CRYBA4: variants seen among roughly 807,000 people sequenced by gnomAD.
CRYBA4 encodes crystallin beta A4.
Under a neutral mutation model 31.7 loss-of-function variants are expected in CRYBA4, and 30 were observed. The ratio of observed to expected loss-of-function variants is 0.95; its 90% CI spans 0.71 to 1.28. The LOEUF (loss-of-function observed/expected upper bound fraction) is 1.28, where lower values mean the gene tolerates loss of function less well. CRYBA4 is among the 50% of genes most tolerant of loss of function. CRYBA4 has a pLI of 0.00. For missense variants in CRYBA4, 225 were observed against 260.7 expected (o/e 0.86, Z 0.94); for synonymous variants, 102 against 102.3 (o/e 1.00, Z 0.02).
chr22:26,616,068 G>A, the CRYBA4 span: 2 of 1,177,628 alleles, frequency 1.7e-6, no homozygotes, highest in African/African-American at 1.5e-5. Flanking sequence ...AAGAGGAGGA[G>A]GAGAAGAAGG....
At chr22:26,592,148 T>C in the CRYBA4 span, among the ~76,000 whole-genome samples, 1 of 152,164 alleles carries the variant, frequency 6.6e-6, no homozygotes, top group Admixed American at 6.5e-5. Flanking sequence ...TGTTAGAGAC[T>C]TCATATGACT....
At chr22:26,608,350 C>G in the CRYBA4 span, among the ~76,000 whole-genome samples, 2 of 152,224 alleles carry the variant, frequency 1.3e-5, no homozygotes, top group Non-Finnish European at 2.9e-5. Context: ...ATACATGCTT[C>G]AAGTACTATC....
chr22:26,591,216 C>T, the CRYBA4 span, among the ~76,000 whole-genome samples: 28 of 151,846 alleles, frequency 1.8e-4, no homozygotes, highest in African/African-American at 2.7e-4. Context: ...AATAAAAATA[C>T]GAAAATGACT....
the CRYBA4 span, among the ~76,000 whole-genome samples, chr22:26,594,413 A>G: frequency 6.6e-6 from 1 of 152,168 alleles, no homozygotes; most frequent in Non-Finnish European, 1.5e-5. Context: ...TTATGCTCCA[A>G]TGTCTAAAAG....
At chr22:26,616,602 G>A in the CRYBA4 span, among the ~76,000 whole-genome samples, 1 of 152,046 alleles carries the variant, frequency 6.6e-6, no homozygotes, top group South Asian at 2.1e-4. Flanking sequence ...CCATTACCCC[G>A]CTAGGTCCTT....
At chr22:26,624,873 CT>C (rs1235294352) in intron 3 of CRYBA4, among the ~76,000 whole-genome samples, 2 of 152,210 alleles carry the variant, frequency 1.3e-5, no homozygotes, top group Non-Finnish European at 2.9e-5. Flanking sequence ...CTGCTGTCGC[CT>C]GTGGGGAGGC....
At chr22:26,611,624 G>A in the CRYBA4 span, among the ~76,000 whole-genome samples, 9 of 152,002 alleles carry the variant, frequency 5.9e-5, no homozygotes, top group East Asian at 1.9e-4. Context: ...ACAGGCGCCC[G>A]CCACCACGCC....
the CRYBA4 span, among the ~76,000 whole-genome samples, chr22:26,593,160 T>C: frequency 3.3e-5 from 5 of 152,250 alleles, no homozygotes; most frequent in Non-Finnish European, 7.3e-5. Flanking sequence ...CAGATACCTC[T>C]TCTGTCTTCC....
At chr22:26,599,749 C>G in the CRYBA4 span, 1 of 1,162,964 alleles carries the variant, frequency 8.6e-7, no homozygotes, top group Non-Finnish European at 1.3e-6. Context: ...GCCAGACCAG[C>G]CTGTCCTTCA....
In CRYBA4 at chr22:26,623,344, G is replaced by A. The variant is rs1929602208; in HGVS notation, c.150G>A (p.Leu50=). 6.2e-7 allele frequency: 1 copy of A among 1,613,308 alleles called. No homozygotes were observed. The highest frequency in any genetic ancestry group is 1.3e-5 in the African/African-American group (1 of 74,916). Residue 50 remains leucine, a synonymous_variant, in exon 3 of 6, where the codon CTG becomes CTA. Transcript: ENST00000354760. The part of the protein sequence containing the change: ...GFETVRSLKV[L]SGAWVGFEHA... ...AGACTGTGCGATCTTTGAAAGTGCT[G>A]AGTGGAGCGTGAGTCTAGGGGGACA...
At chr22:26,616,818 G>A in the CRYBA4 span, among the ~76,000 whole-genome samples, 1 of 152,214 alleles carries the variant, frequency 6.6e-6, no homozygotes, top group Admixed American at 6.5e-5. Flanking sequence ...GAGCAGCAGG[G>A]GGCTGGAGAA....
At chr22:26,590,875 C>CT in the CRYBA4 span, among the ~76,000 whole-genome samples, 2 of 152,292 alleles carry the variant, frequency 1.3e-5, no homozygotes, top group Middle Eastern at 3.4e-3. Flanking sequence ...TTAGCACAGT[C>CT]TAAGTTCTAT....
chr22:26,627,584 C>A (rs902675506), intron 4 of CRYBA4, among the ~76,000 whole-genome samples: 17 of 121,858 alleles, frequency 1.4e-4, no homozygotes, highest in African/African-American at 4.3e-4. Flanking sequence ...CTTTTTCTTT[C>A]TTTTTCTCTT....
At chr22:26,604,643 C>T in the CRYBA4 span, among the ~76,000 whole-genome samples, 1 of 152,142 alleles carries the variant, frequency 6.6e-6, no homozygotes, top group Non-Finnish European at 1.5e-5. Context: ...GCAGAGAAGG[C>T]ATAGGCAAAA....
At chr22:26,629,734 C>CAAAAAAAAA (rs66906132) in intron 5 of CRYBA4, among the ~76,000 whole-genome samples, 1,898 of 80,162 alleles carry the variant, frequency 0.024, 261 homozygotes, top group Middle Eastern at 0.048. Context: ...GACTCTGTCT[C>CAAAAAAAAA]AAAAAAAAAA....
chr22:26,618,934 T>C (rs1013805006), upstream of CRYBA4, among the ~76,000 whole-genome samples: 71 of 152,204 alleles, frequency 4.7e-4, no homozygotes, highest in African/African-American at 1.7e-3. Context: ...GGCCACGTTA[T>C]CTGACCTGGA....
At chr22:26,597,047 T>C in the CRYBA4 span, among the ~76,000 whole-genome samples, 1 of 151,890 alleles carries the variant, frequency 6.6e-6, no homozygotes, top group African/African-American at 2.4e-5. Flanking sequence ...TGGCCAAGAG[T>C]GTTGAGGTGG....
the CRYBA4 span, among the ~76,000 whole-genome samples, chr22:26,607,638 G>C: frequency 6.6e-6 from 1 of 151,682 alleles, no homozygotes; most frequent in South Asian, 2.1e-4. Flanking sequence ...GGAAGATGCT[G>C]AAGTTTTTAG....
intron 5 of CRYBA4, among the ~76,000 whole-genome samples, chr22:26,630,132 G>C (rs956219334): frequency 6.6e-6 from 1 of 152,220 alleles, no homozygotes; most frequent in Non-Finnish European, 1.5e-5. Context: ...ACTTGTCTAG[G>C]AAAAGAAAGG....
Sources: gnomAD v4.1 joint callset for allele counts (sites outside exome capture counted in the v4.1 genomes callset) on GRCh38, gnomAD v4.1.1 for gene constraint, MANE v1.5 for transcripts, NCBI Gene and HGNC (gene_info 2026-07-23, HGNC 2026-07-21) for gene names.